GRAMD2B: variants seen among roughly 807,000 people sequenced by gnomAD.
The protein encoded by GRAMD2B is GRAM domain containing 2B.
GRAMD2B carries 41 observed loss-of-function variants against 59.2 expected under a neutral mutation model. That is an observed-to-expected ratio of 0.69 (90% CI 0.54 to 0.90). The LOEUF (loss-of-function observed/expected upper bound fraction) is 0.90. Ranked by LOEUF, GRAMD2B falls within the 40% of genes least tolerant of loss-of-function variation. GRAMD2B has a pLI of 0.00. For synonymous variants in GRAMD2B, 161 were observed against 182.7 expected (o/e 0.88, Z 0.96); for missense variants, 424 against 500.5 (o/e 0.85, Z 1.46).
At chr5:126,366,110 T>C (rs1373315930) in intron 1 of GRAMD2B, among the ~76,000 whole-genome samples, 2 of 152,246 alleles carry the variant, frequency 1.3e-5, no homozygotes, top group African/African-American at 4.8e-5. Context: ...ACATATATCC[T>C]TTCTCTGCAT....
intron 3 of GRAMD2B, among the ~76,000 whole-genome samples, chr5:126,471,804 T>C (rs1473056906): frequency 6.6e-6 from 1 of 152,186 alleles, no homozygotes; most frequent in South Asian, 2.1e-4. Flanking sequence ...CAACAAGAGC[T>C]AGAGCCACTA....
chr5:126,405,439 A>G (rs749997230), intron 1 of GRAMD2B, among the ~76,000 whole-genome samples: 2 of 151,910 alleles, frequency 1.3e-5, no homozygotes, highest in Admixed American at 6.6e-5. Flanking sequence ...AGCTTCCTCA[A>G]TGGTACAATA....
rs148014019 is a variant in GRAMD2B at position 126,450,325 on chromosome 5, C to G, written c.84-15101C>G. Among the ~76,000 whole-genome samples, 55 of 152,226 alleles carry G rather than the reference C, an allele frequency of 3.6e-4. No individual in the cohort carries two copies. In the East Asian group the frequency reaches 0.01, roughly 28 times the overall value. On this transcript the variant is annotated intron_variant, in intron 1 of 13. Coordinates refer to ENST00000285689, the MANE Select transcript of GRAMD2B (RefSeq NM_023927.4). ...TGTTTTAACCTAAAAGGTTATTGCA[C>G]TATTAACAGGTAAAAAATTCTCTTC...
chr5:126,492,677 C>T (rs1774163166), intron 13 of GRAMD2B, among the ~76,000 whole-genome samples: 1 of 152,200 alleles, frequency 6.6e-6, no homozygotes, highest in South Asian at 2.1e-4. Context: ...ACCATGATCA[C>T]GTCACTGCAT....
intron 1 of GRAMD2B, among the ~76,000 whole-genome samples, chr5:126,450,058 T>C (rs74504299): frequency 3.5e-5 from 5 of 144,888 alleles, no homozygotes; most frequent in Non-Finnish European, 6.2e-5. Context: ...TTTTGATCTC[T>C]TTTTTTTTTT....
chr5:126,423,615 A>G lies in GRAMD2B; in HGVS notation c.9A>G (p.Glu3=), dbSNP rs771816509. Residue 3 remains glutamate (E), a synonymous_variant, in exon 1 of 14, where the codon GAA becomes GAG. Coordinates refer to ENST00000285689, the MANE Select transcript of GRAMD2B (RefSeq NM_023927.4). The part of the protein sequence containing the change: MT[E]LQQDVEDTKP... Reference sequence around the variant, plus strand: ...CTCCAGACACGGCCCCGATGACTGAACTACAGCAAGATGTGGAAGACACAA... The same window carrying G: ...CTCCAGACACGGCCCCGATGACTGAGCTACAGCAAGATGTGGAAGACACAA... 5.0e-6 allele frequency: 8 copies of G among 1,612,492 alleles called. No individual in the cohort carries two copies. The highest frequency in any genetic ancestry group is 6.8e-6 in the Non-Finnish European group (8 of 1,179,424).
chr5:126,473,387 A>C lies in GRAMD2B; in HGVS notation c.486+19A>C. ...CACAAAGGTTGGTATAATTAAAAAAAAAAATGCTAACCCTATACTTTATTA... is the reference window on the plus strand; with the variant it reads ...CACAAAGGTTGGTATAATTAAAAAACAAAATGCTAACCCTATACTTTATTA... On this transcript the variant is annotated intron_variant, in intron 5 of 13. Coordinates refer to ENST00000285689, the MANE Select transcript of GRAMD2B (RefSeq NM_023927.4). 1.1e-6 allele frequency: 1 copy of C among 938,118 alleles called. No individual in the cohort carries two copies. The highest frequency in any genetic ancestry group is 1.6e-6 in the Non-Finnish European group (1 of 618,560). The allele number at this position is 938,118 out of a possible 1,614,324, so 58.1% of individuals were successfully genotyped here.
At chr5:126,456,414 A>T (rs544450267) in intron 1 of GRAMD2B, among the ~76,000 whole-genome samples, 2 of 151,902 alleles carry the variant, frequency 1.3e-5, no homozygotes, top group Middle Eastern at 3.4e-3. Context: ...GGGTCTCCCT[A>T]TGTTGTCCAG....
chr5:126,382,768 G>T (rs1191434357), intron 1 of GRAMD2B, among the ~76,000 whole-genome samples: 3 of 152,088 alleles, frequency 2.0e-5, no homozygotes, highest in African/African-American at 7.2e-5. Flanking sequence ...AAAAAATCTT[G>T]TTTTGTCATA....
At chr5:126,451,413 T>C (rs1737162580) in intron 1 of GRAMD2B, among the ~76,000 whole-genome samples, 1 of 152,210 alleles carries the variant, frequency 6.6e-6, no homozygotes, top group Non-Finnish European at 1.5e-5. Context: ...CTTTAAGACT[T>C]AATGACTGCC....
intron 1 of GRAMD2B, among the ~76,000 whole-genome samples, chr5:126,365,765 T>C (rs1180240953): frequency 6.6e-6 from 1 of 151,830 alleles, no homozygotes; most frequent in African/African-American, 2.4e-5. Flanking sequence ...ATAATAAACA[T>C]ATCAATCAAC....
At chr5:126,388,381 A>G (rs1009133185) in intron 1 of GRAMD2B, among the ~76,000 whole-genome samples, 4 of 152,078 alleles carry the variant, frequency 2.6e-5, no homozygotes, top group Non-Finnish European at 5.9e-5. Flanking sequence ...TCAAAAAATA[A>G]ACAAACAAAT....
chr5:126,379,947 T>C (rs1053482082), intron 1 of GRAMD2B, among the ~76,000 whole-genome samples: 2 of 152,220 alleles, frequency 1.3e-5, no homozygotes, highest in Admixed American at 6.5e-5. Context: ...TTTTGTTGCA[T>C]TGGCTTTTGG....
rs375607558 is a variant in GRAMD2B, at chr5:126,396,891, C to T, written c.125+25324C>T. On this transcript the variant is annotated intron_variant, in intron 1 of 8. Coordinates refer to the GRAMD2B transcript ENST00000506445. The stretch of plus-strand genomic sequence containing the variant: ...TTCTGACTGGTGTGAGATGGTATCT[C>T]ACTGTGGTTTTGATTTGCATTTCTC... 2.0e-5 allele frequency among the ~76,000 whole-genome samples: 3 copies of T among 152,266 alleles called. No homozygotes were observed. The South Asian group carries it at 6.2e-4, about 32-fold the overall frequency.
At chr5:126,423,155 C>T, upstream of GRAMD2B, 3 of 998,332 alleles carry the variant, frequency 3.0e-6, no homozygotes, top group Non-Finnish European at 3.6e-6. Context: ...TATCTAGAGC[C>T]GGCTGCCCTC....
At chr5:126,447,029 G>A (rs945783529) in intron 1 of GRAMD2B, among the ~76,000 whole-genome samples, 15 of 152,166 alleles carry the variant, frequency 9.9e-5, no homozygotes, top group African/African-American at 3.1e-4. Context: ...CAGTAACTAG[G>A]CAGACTCCAC....
At chr5:126,477,604 C>CTTTTTT in intron 5 of GRAMD2B, 88 bp from the exon 6 acceptor site, 1 of 821,338 alleles carries the variant, frequency 1.2e-6, no homozygotes, top group Non-Finnish European at 2.1e-6. Flanking sequence ...TTCTGTTTAC[C>CTTTTTT]TTTTTTTTCT....
In GRAMD2B at chr5:126,466,123, C is replaced by T. The variant is rs116090244; in HGVS notation, c.203+578C>T. Among the ~76,000 whole-genome samples, 835 of 152,210 alleles carry T rather than the reference C, an allele frequency of 5.5e-3. 11 individuals carry two copies. The highest frequency in any genetic ancestry group is 0.019 in the African/African-American group (807 of 41,528). ...TTGCTTTGGGGCACTTAAAAGATAG[C>T]GGTTAAACCAACAGTGTGTGATGGG... is the stretch of plus-strand genomic sequence containing the variant. On this transcript the variant is annotated intron_variant, in intron 2 of 13. Transcript: ENST00000285689.
Position 126,480,644 on chromosome 5 carries a change from C to G in GRAMD2B, c.672C>G (p.Asn224Lys), listed in dbSNP as rs1484531359. The G allele has an allele frequency of 1.2e-6, 2 of 1,614,034 alleles. No individual in the cohort carries two copies. The highest frequency in any genetic ancestry group is 1.3e-5 in the African/African-American group (1 of 75,046). The change falls in exon 8 of 14, where the codon AAC (asparagine) becomes AAG (lysine). Residue 224 changes from asparagine (N) to lysine (K), a missense_variant. Coordinates refer to ENST00000285689, the MANE Select transcript of GRAMD2B (RefSeq NM_023927.4). Reference sequence around the variant, plus strand: ...AATTTCAGAATACAAGTGTTGGTAACAGTCCCAATCCATCTTCTGCTGAAA... The same window carrying G: ...AATTTCAGAATACAAGTGTTGGTAAGAGTCCCAATCCATCTTCTGCTGAAA... ...CGHLENTSVG[N>K]SPNPSSAENS...
Sources: gnomAD v4.1 joint callset for allele counts (sites outside exome capture counted in the v4.1 genomes callset) on GRCh38, gnomAD v4.1.1 for gene constraint, MANE v1.5 for transcripts, NCBI Gene and HGNC (gene_info 2026-07-23, HGNC 2026-07-21) for gene names.